EDAR: variants seen among roughly 807,000 people sequenced by gnomAD.
The protein encoded by EDAR is ectodysplasin A receptor.
EDAR carries 38 observed loss-of-function variants against 51.3 expected under a neutral mutation model. The observed-to-expected ratio is 0.74, with a 90% CI of 0.57 to 0.97. EDAR has a LOEUF of 0.97. Among genes scored for constraint, EDAR ranks in the 50% least tolerant of loss-of-function variants. The pLI is 0.00. For missense variants in EDAR, 528 were observed against 595.0 expected (o/e 0.89, Z 1.17); for synonymous variants, 227 against 242.1 (o/e 0.94, Z 0.58).
At chr2:108,912,972 G>A (rs1264899869) in intron 5 of EDAR, among the ~76,000 whole-genome samples, 4 of 148,196 alleles carry the variant, frequency 2.7e-5, no homozygotes, top group Non-Finnish European at 4.5e-5. Flanking sequence ...TTGGTGAGAC[G>A]GAGTCTTGCT....
At chr2:108,916,515 G>T (rs1038743613) in intron 5 of EDAR, among the ~76,000 whole-genome samples, 1 of 152,002 alleles carries the variant, frequency 6.6e-6, no homozygotes, top group African/African-American at 2.4e-5. Context: ...ACCCACAGGC[G>T]CCCACCTGCC....
At chr2:108,945,064 T>C (rs1011040600) in intron 1 of EDAR, among the ~76,000 whole-genome samples, 2 of 152,166 alleles carry the variant, frequency 1.3e-5, no homozygotes, top group African/African-American at 4.8e-5. Context: ...AGTCTGGTGC[T>C]TTCTGCCCTT....
chr2:108,966,397 G>T (rs999829333), intron 1 of EDAR, among the ~76,000 whole-genome samples: 1 of 152,226 alleles, frequency 6.6e-6, no homozygotes, highest in African/African-American at 2.4e-5. Context: ...CAGTGGCATT[G>T]GAGGCCAGCC....
At chr2:108,916,623 G>A (rs561859172) in intron 5 of EDAR, among the ~76,000 whole-genome samples, 1 of 152,328 alleles carries the variant, frequency 6.6e-6, no homozygotes, top group South Asian at 2.1e-4. Flanking sequence ...CCAGGCTGCA[G>A]GTGTAGGCTG....
At chr2:108,984,874 T>A (rs942534031) in intron 1 of EDAR, among the ~76,000 whole-genome samples, 2 of 152,214 alleles carry the variant, frequency 1.3e-5, no homozygotes, top group Non-Finnish European at 2.9e-5. Flanking sequence ...TGAATGAATG[T>A]GCACTAAAAC....
At chr2:108,971,599 G>C (rs1012771906) in intron 1 of EDAR, among the ~76,000 whole-genome samples, 1 of 151,794 alleles carries the variant, frequency 6.6e-6, no homozygotes, top group Non-Finnish European at 1.5e-5. Flanking sequence ...GAGGGTGTGA[G>C]GGCTGAGAGG....
intron 1 of EDAR, among the ~76,000 whole-genome samples, chr2:108,973,734 T>A (rs1425985828): frequency 6.6e-6 from 1 of 152,182 alleles, no homozygotes. Flanking sequence ...ACCTGGAAAT[T>A]TTTTGGCTGG....
At chr2:108,899,988 A>AAAG (rs1696669182) in intron 11 of EDAR, among the ~76,000 whole-genome samples, 1 of 152,074 alleles carries the variant, frequency 6.6e-6, no homozygotes, top group Non-Finnish European at 1.5e-5. Context: ...TCCATGTCAA[A>AAAG]AATAATAATA....
At chr2:108,956,151 G>A (rs1697921978) in intron 1 of EDAR, among the ~76,000 whole-genome samples, 1 of 152,176 alleles carries the variant, frequency 6.6e-6, no homozygotes, top group Admixed American at 6.5e-5. Flanking sequence ...TGGATTGAAA[G>A]TATCCCATCA....
intron 1 of EDAR, among the ~76,000 whole-genome samples, chr2:108,945,188 G>A (rs1697692155): frequency 6.6e-6 from 1 of 152,172 alleles, no homozygotes; most frequent in Non-Finnish European, 1.5e-5. Flanking sequence ...GCCAAGCCCA[G>A]CTTGGGTGGG....
intron 1 of EDAR, among the ~76,000 whole-genome samples, chr2:108,936,246 G>A (rs927430093): frequency 1.3e-5 from 2 of 152,214 alleles, no homozygotes; most frequent in Admixed American, 6.5e-5. Flanking sequence ...CTGATGGTTC[G>A]GAGTTACCTT....
intron 1 of EDAR, among the ~76,000 whole-genome samples, chr2:108,976,941 T>C (rs1422055960): frequency 6.6e-6 from 1 of 152,156 alleles, no homozygotes; most frequent in Admixed American, 6.5e-5. Flanking sequence ...TCACTGGAGA[T>C]TGGCATTAGA....
Position 108,897,018 on chromosome 2 carries a change from G to A in EDAR, c.1236C>T (p.Leu412=). Residue 412 remains leucine (L), a synonymous_variant, in exon 12 of 12, where the codon CTC becomes CTT. Transcript: ENST00000258443. ...STAGYSIPEL[L]TKLVQIERLD... ...GCCGCTCAATCTGCACCAGTTTTGT[G>A]AGTAGCTCAGGGATGCTGTAGCCTG... 2 of 1,614,044 alleles carry A rather than the reference G, an allele frequency of 1.2e-6. No homozygotes were observed. The highest frequency in any genetic ancestry group is 1.1e-5 in the South Asian group (1 of 91,024).
At chr2:108,952,401 C>A (rs1697842582) in intron 1 of EDAR, among the ~76,000 whole-genome samples, 1 of 152,156 alleles carries the variant, frequency 6.6e-6, no homozygotes, top group Non-Finnish European at 1.5e-5. Context: ...ATAATGAGGA[C>A]ATGATGAAAT....
At chr2:108,938,202 A>C (rs1307576884) in intron 1 of EDAR, among the ~76,000 whole-genome samples, 3 of 152,200 alleles carry the variant, frequency 2.0e-5, no homozygotes, top group African/African-American at 7.2e-5. Context: ...TATTTGACTC[A>C]ACTTTTTCCG....
At chr2:108,938,397 T>G (rs1413308402) in intron 1 of EDAR, among the ~76,000 whole-genome samples, 1 of 152,232 alleles carries the variant, frequency 6.6e-6, no homozygotes, top group Non-Finnish European at 1.5e-5. Context: ...TACACAGAAC[T>G]GGGGCTGGCG....
chr2:108,943,923 A>G (rs189814971), intron 1 of EDAR, among the ~76,000 whole-genome samples: 2 of 152,330 alleles, frequency 1.3e-5, no homozygotes, highest in East Asian at 3.9e-4. Flanking sequence ...CGTTGCTTCC[A>G]AAACAGGGAG....
At chr2:108,977,443 TG>T (rs1167612873) in intron 1 of EDAR, among the ~76,000 whole-genome samples, 1 of 152,166 alleles carries the variant, frequency 6.6e-6, no homozygotes, top group African/African-American at 2.4e-5. Context: ...TAATTTTTTT[TG>T]TATTTTTAGT....
chr2:108,964,246 T>C (rs765539146), intron 1 of EDAR, among the ~76,000 whole-genome samples: 1 of 152,138 alleles, frequency 6.6e-6, no homozygotes. Flanking sequence ...CTGGGGAAAC[T>C]GAGACTCTGA....
Sources: allele counts gnomAD v4.1 joint callset (sites outside exome capture counted in the v4.1 genomes callset), GRCh38; gene constraint gnomAD v4.1.1; transcripts MANE v1.5; gene names NCBI Gene and HGNC (gene_info 2026-07-23, HGNC 2026-07-21).